PARN: variants seen among roughly 807,000 people sequenced by gnomAD.
The protein encoded by PARN is poly(A)-specific ribonuclease.
Under a neutral mutation model 102.8 loss-of-function variants are expected in PARN, and 71 were observed. The observed-to-expected ratio is 0.69, with a 90% CI of 0.57 to 0.84. The LOEUF is 0.84. Ranked by LOEUF, PARN falls within the 40% of genes least tolerant of loss-of-function variation. The pLI is 0.00. For missense variants in PARN, 782 were observed against 760.9 expected (o/e 1.03, Z -0.33); for synonymous variants, 261 against 252.9 (o/e 1.03, Z -0.30).
In PARN at chr16:14,593,413, C is replaced by T. The variant is rs1281941421; in HGVS notation, c.841-35G>A. 4.3e-6 allele frequency: 4 copies of T among 922,026 alleles called. No individual in the cohort carries two copies. The African/African-American group carries it at 5.6e-5, about 13-fold the overall frequency. The allele number at this position is 922,026 out of a possible 1,614,324, so 57.1% of individuals were successfully genotyped here. A position where few individuals can be genotyped will look rare whatever the true frequency, so the allele number is the denominator to read the frequency against. Reference sequence around the variant, plus strand: ...GTCAAGGTTAGAAAAAAGACTTCTACATTCGAAATTATACTGGGGTTTCAG... The same window carrying T: ...GTCAAGGTTAGAAAAAAGACTTCTATATTCGAAATTATACTGGGGTTTCAG... On this transcript the variant is annotated intron_variant, in intron 12 of 23. Transcript: ENST00000437198.
chr16:14,493,072 A>AAAC (rs749040871), intron 21 of PARN, among the ~76,000 whole-genome samples: 1 of 152,152 alleles, frequency 6.6e-6, no homozygotes, highest in African/African-American at 2.4e-5. Context: ...GCATATTCTC[A>AAAC]AACAACAATA....
At chr16:14,446,844 A>G in intron 23 of PARN, 44 bp downstream of exon 23, 1 of 1,428,054 alleles carries the variant, frequency 7.0e-7, no homozygotes, top group Non-Finnish European at 9.6e-7. Flanking sequence ...TAGAGCATTT[A>G]AATAGTCCAC....
chr16:14,464,002 T>G (rs1001092210), intron 22 of PARN, among the ~76,000 whole-genome samples: 2 of 152,050 alleles, frequency 1.3e-5, no homozygotes, highest in African/African-American at 4.8e-5. Context: ...TCCAGCTAAT[T>G]TTTTTGTGTG....
At chr16:14,483,671 C>A (rs1243952253) in intron 21 of PARN, among the ~76,000 whole-genome samples, 1 of 152,120 alleles carries the variant, frequency 6.6e-6, no homozygotes, top group Non-Finnish European at 1.5e-5. Context: ...TGTTTTTAGA[C>A]AGACTCCCAC....
intron 22 of PARN, among the ~76,000 whole-genome samples, chr16:14,458,220 T>C (rs1230754399): frequency 6.6e-6 from 1 of 152,190 alleles, no homozygotes; most frequent in Non-Finnish European, 1.5e-5. Flanking sequence ...ATTATCAATA[T>C]ACAATTAGTT....
chr16:14,486,625 A>G (rs1446625377), intron 21 of PARN, among the ~76,000 whole-genome samples: 2 of 152,244 alleles, frequency 1.3e-5, no homozygotes, highest in African/African-American at 4.8e-5. Flanking sequence ...GGAAATAAAT[A>G]ACAGTCCGCT....
At chr16:14,474,772 T>C (rs142837803) in intron 22 of PARN, among the ~76,000 whole-genome samples, 7 of 152,348 alleles carry the variant, frequency 4.6e-5, no homozygotes, top group Non-Finnish European at 1.0e-4. Flanking sequence ...GCCCTATGGC[T>C]TCTGTTGTCT....
intron 5 of PARN, 127 bp from the exon 6 acceptor site, chr16:14,617,777 C>A: frequency 1.5e-6 from 1 of 661,688 alleles, no homozygotes; most frequent in Non-Finnish European, 2.8e-6. Flanking sequence ...CCAGAGGTCA[C>A]AATACAAGGA....
chr16:14,461,719 A>G (rs1961990949), intron 22 of PARN, among the ~76,000 whole-genome samples: 1 of 152,154 alleles, frequency 6.6e-6, no homozygotes, highest in African/African-American at 2.4e-5. Flanking sequence ...ACTTGTTTTG[A>G]TTTGAATTTC....
intron 21 of PARN, among the ~76,000 whole-genome samples, chr16:14,532,856 G>C (rs1966425610): frequency 6.6e-6 from 1 of 151,432 alleles, no homozygotes; most frequent in Admixed American, 6.6e-5. Flanking sequence ...CGGGCGGGGG[G>C]CTGACCCCCC....
At chr16:14,531,529 G>C (rs927766921) in intron 21 of PARN, among the ~76,000 whole-genome samples, 1 of 152,202 alleles carries the variant, frequency 6.6e-6, no homozygotes, top group African/African-American at 2.4e-5. Flanking sequence ...AGATGTGGCA[G>C]GTTCCCAGAT....
chr16:14,588,911 G>A (rs1276692664), intron 13 of PARN, among the ~76,000 whole-genome samples: 1 of 151,502 alleles, frequency 6.6e-6, no homozygotes, highest in Non-Finnish European at 1.5e-5. Flanking sequence ...TGGGCGTGGT[G>A]GCTCACACCT....
At chr16:14,484,683 G>A (rs1342562167) in intron 21 of PARN, among the ~76,000 whole-genome samples, 1 of 152,144 alleles carries the variant, frequency 6.6e-6, no homozygotes, top group Non-Finnish European at 1.5e-5. Flanking sequence ...CTGTATGAGA[G>A]GCAGATGTCC....
intron 10 of PARN, 28 bp from the exon 11 acceptor site, chr16:14,604,254 T>A (rs1971054069): frequency 1.4e-6 from 2 of 1,395,126 alleles, no homozygotes; most frequent in Non-Finnish European, 2.0e-6. Context: ...GATATACAAT[T>A]TTCTTTTCTT....
chr16:14,453,065 G>A (rs1961532709), intron 22 of PARN, among the ~76,000 whole-genome samples: 1 of 152,128 alleles, frequency 6.6e-6, no homozygotes. Context: ...TAAAATGAGA[G>A]GCAAAACAAT....
chr16:14,494,881 G>C (rs1964234872), intron 21 of PARN, among the ~76,000 whole-genome samples: 1 of 152,158 alleles, frequency 6.6e-6, no homozygotes, highest in Non-Finnish European at 1.5e-5. Context: ...TGGGACCAGG[G>C]AACAAGATAG....
At chr16:14,628,739 C>G (rs942223189) in intron 2 of PARN, among the ~76,000 whole-genome samples, 3 of 152,172 alleles carry the variant, frequency 2.0e-5, no homozygotes, top group Admixed American at 6.6e-5. Flanking sequence ...CAACTAGACA[C>G]TACCTAAAGC....
intron 16 of PARN, 79 bp from the exon 17 acceptor site, chr16:14,582,370 C>A: frequency 2.2e-6 from 2 of 899,916 alleles, no homozygotes; most frequent in East Asian, 2.4e-5. Context: ...ATTGCATTAG[C>A]ATATGCTAGA....
intron 5 of PARN, 141 bp from the exon 6 acceptor site, chr16:14,617,791 T>C: frequency 1.6e-6 from 1 of 638,040 alleles, no homozygotes; most frequent in Non-Finnish European, 2.9e-6. Context: ...ACAAGGAATT[T>C]CTACTCCACA....
Sources: allele counts gnomAD v4.1 joint callset (sites outside exome capture counted in the v4.1 genomes callset), GRCh38; gene constraint gnomAD v4.1.1; transcripts MANE v1.5; gene names NCBI Gene and HGNC (gene_info 2026-07-23, HGNC 2026-07-21).